The following RALB variants were observed in gnomAD, a reference collection of about 807,000 sequenced individuals.
The protein encoded by RALB is RAS like proto-oncogene B, also known as ras-related protein Ral-B.
Under a neutral mutation model 21.3 loss-of-function variants are expected in RALB, and 16 were observed. That is an observed-to-expected ratio of 0.75 (90% CI 0.51 to 1.14). RALB has a LOEUF of 1.14. RALB is among the 50% of genes most tolerant of loss of function. The pLI, the probability that RALB is intolerant of heterozygous loss-of-function variation, is 0.00. For synonymous variants in RALB, 93 were observed against 96.1 expected, an observed-to-expected ratio of 0.97 and a Z score of 0.19; for missense variants, 161 against 256.2, an observed-to-expected ratio of 0.63 and a Z score of 2.54.
Position 120,267,551 on chromosome 2 carries a change from A to G in RALB, c.-47-11067A>G, listed in dbSNP as rs893351671. The stretch of plus-strand genomic sequence containing the variant: ...GTATGAGATCGGGAGGGCTGGGCCT[A>G]TCATGTCCGAAGCAGGGTCAGGGAG... On this transcript the variant is annotated intron_variant, in intron 1 of 4. Transcript: ENST00000272519. 7.2e-5 allele frequency among the ~76,000 whole-genome samples: 11 copies of G among 152,130 alleles called. No individual in the cohort carries two copies. In the South Asian group the frequency reaches 1.5e-3, roughly 20 times the overall value.
intron 1 of RALB, among the ~76,000 whole-genome samples, chr2:120,268,651 G>A (rs1422866781): frequency 6.6e-6 from 1 of 152,148 alleles, no homozygotes; most frequent in Admixed American, 6.5e-5. Flanking sequence ...TGCAGCCTAG[G>A]TGACAGAGCA....
At chr2:120,240,280 TATTTTTATTTTTA>T (rs1248631392) in intron 1 of RALB, among the ~76,000 whole-genome samples, 2 of 144,908 alleles carry the variant, frequency 1.4e-5, no homozygotes, top group African/African-American at 5.8e-5. Context: ...GCTACTTTTT[TATTTTTATTTTTA>T]TTTTTTTTTG....
At position 120,284,755 on chromosome 2, in the gene RALB, C is replaced by A. The variant is rs199763733; in HGVS notation, c.115-1119C>A. Among the ~76,000 whole-genome samples, 8 of 57,614 alleles carry A rather than the reference C, an allele frequency of 1.4e-4. No individual in the cohort carries two copies. In the East Asian group the frequency reaches 4.0e-3, roughly 29 times the overall value. The allele number at this position is 57,614 out of a possible 152,430, so 37.8% of individuals were successfully genotyped here. A position where few individuals can be genotyped will look rare whatever the true frequency, so the allele number is the denominator to read the frequency against. On this transcript the variant is annotated intron_variant, in intron 2 of 4. Coordinates refer to ENST00000272519, the MANE Select transcript of RALB (RefSeq NM_002881.3). ...ATCACTTTCATCACTCCAAAAAAAACCAACCTACGTATTAGTAGTCATTCC... is the reference window on the plus strand; with the variant it reads ...ATCACTTTCATCACTCCAAAAAAAAACAACCTACGTATTAGTAGTCATTCC...
At chr2:120,244,901 A>C (rs1688946795) in intron 1 of RALB, among the ~76,000 whole-genome samples, 1 of 152,232 alleles carries the variant, frequency 6.6e-6, no homozygotes, top group Admixed American at 6.5e-5. Context: ...GCTGTGATAC[A>C]GTGGGAGCAG....
At chr2:120,266,307 C>T (rs951420029) in intron 1 of RALB, among the ~76,000 whole-genome samples, 1 of 152,268 alleles carries the variant, frequency 6.6e-6, no homozygotes, top group Admixed American at 6.5e-5. Flanking sequence ...TGCAGTGGCG[C>T]GATCTCGGCT....
intron 1 of RALB, among the ~76,000 whole-genome samples, chr2:120,244,863 C>A (rs1688946028): frequency 6.6e-6 from 1 of 152,198 alleles, no homozygotes; most frequent in African/African-American, 2.4e-5. Context: ...ACCAGCCACT[C>A]TAGGAAAGTT....
intron 1 of RALB, among the ~76,000 whole-genome samples, chr2:120,246,851 C>A (rs1478277082): frequency 1.3e-5 from 2 of 152,038 alleles, no homozygotes; most frequent in Non-Finnish European, 2.9e-5. Context: ...GAGGCAGCAT[C>A]CAAGGAAGCC....
intron 1 of RALB, among the ~76,000 whole-genome samples, chr2:120,259,928 G>C (rs972269516): frequency 6.6e-6 from 1 of 152,198 alleles, no homozygotes; most frequent in Non-Finnish European, 1.5e-5. Context: ...GCGAGAAATC[G>C]AGCGCAGTGC....
At chr2:120,277,315 A>G (rs1689824333) in intron 1 of RALB, among the ~76,000 whole-genome samples, 1 of 151,624 alleles carries the variant, frequency 6.6e-6, no homozygotes, top group Admixed American at 6.6e-5. Context: ...AACGTGTTAC[A>G]GCATGTGAGA....
In RALB at chr2:120,278,753, T is replaced by C. The variant is rs1329309392; in HGVS notation, c.89T>C (p.Leu30Pro). ...VGSGGVGKSA[L>P]TLQFMYDEFV... ...AGCGGAGGCGTTGGCAAGTCAGCCC[T>C]GACGCTTCAGTTCATGTATGACGAG... Residue 30 changes from leucine (L) to proline (P), a missense_variant, in exon 2 of 5, where the codon CTG (leucine) becomes CCG (proline). Physicochemically the swap from Leu to Pro is moderately conservative, Grantham distance 98. Transcript: ENST00000272519. The C allele has an allele frequency of 2.5e-6, 4 of 1,585,834 alleles. No individual in the cohort carries two copies. The highest frequency in any genetic ancestry group is 3.4e-6 in the Non-Finnish European group (4 of 1,164,952).
intron 3 of RALB, 66 bp from the exon 4 acceptor site, chr2:120,289,514 G>C (rs540079558): frequency 6.7e-6 from 10 of 1,503,218 alleles, no homozygotes; most frequent in Non-Finnish European, 8.2e-6. Flanking sequence ...ATTTTAGATG[G>C]GTTCACAAAA....
intron 1 of RALB, among the ~76,000 whole-genome samples, chr2:120,270,000 G>C (rs1360843605): frequency 1.3e-5 from 2 of 152,030 alleles, no homozygotes; most frequent in African/African-American, 4.8e-5. Flanking sequence ...AGAGAAATTG[G>C]GTTTAGCTTC....
rs1690381830 is a variant in RALB, at chr2:120,294,675, G to A, written c.*1415G>A. On this transcript the variant is annotated 3_prime_UTR_variant, in exon 5 of 5. Transcript: ENST00000272519. ...CCTGTATCCCCTCCCAAAGAATCATGGGCTTTTTTTTTGAATAAAAAAGCA... is the reference window on the plus strand; with the variant it reads ...CCTGTATCCCCTCCCAAAGAATCATAGGCTTTTTTTTTGAATAAAAAAGCA... 6.2e-6 allele frequency: 1 copy of A among 160,554 alleles called. No individual in the cohort carries two copies. Among genetic ancestry groups the A allele is most frequent in the Non-Finnish European group, 1.4e-5 (1 of 73,890 alleles). 9.9% of individuals were successfully genotyped at this position (160,554 alleles called of 1,614,324 possible).
intron 4 of RALB, among the ~76,000 whole-genome samples, chr2:120,291,136 T>TGCTTTAGACGCACTTCGAAGGGGTC (rs1690294214): frequency 6.6e-6 from 1 of 152,052 alleles, no homozygotes; most frequent in Non-Finnish European, 1.5e-5. Context: ...TAGAAGGGGT[T>TGCTTTAGACGCACTTCGAAGGGGTC]TGCTTTAGAC....
At chr2:120,247,624 C>T (rs947632375) in intron 1 of RALB, among the ~76,000 whole-genome samples, 1 of 152,194 alleles carries the variant, frequency 6.6e-6, no homozygotes, top group South Asian at 2.1e-4. Context: ...GTGACAATGA[C>T]TAAACTGAGA....
intron 1 of RALB, among the ~76,000 whole-genome samples, chr2:120,265,673 T>C (rs1449750098): frequency 6.6e-6 from 1 of 152,242 alleles, no homozygotes; most frequent in Non-Finnish European, 1.5e-5. Context: ...GAGTATGGAC[T>C]GCTAGGGCTC....
intron 2 of RALB, among the ~76,000 whole-genome samples, chr2:120,281,114 A>G (rs1354711163): frequency 6.6e-6 from 1 of 152,174 alleles, no homozygotes; most frequent in Non-Finnish European, 1.5e-5. Flanking sequence ...ACAAGACTCC[A>G]CTCAAGGTGT....
intron 1 of RALB, among the ~76,000 whole-genome samples, chr2:120,259,103 C>T (rs1028588443): frequency 5.3e-5 from 8 of 152,238 alleles, no homozygotes; most frequent in African/African-American, 7.2e-5. Context: ...CAGATCTTCG[C>T]GGTGAGTGTT....
intron 1 of RALB, among the ~76,000 whole-genome samples, chr2:120,260,785 A>G (rs1689347373): frequency 6.6e-6 from 1 of 152,232 alleles, no homozygotes; most frequent in Non-Finnish European, 1.5e-5. Flanking sequence ...CTACTTGCTC[A>G]TTTTAAAGAG....
Sources: gnomAD v4.1 joint callset for allele counts (sites outside exome capture counted in the v4.1 genomes callset) on GRCh38, gnomAD v4.1.1 for gene constraint, MANE v1.5 for transcripts, NCBI Gene and HGNC (gene_info 2026-07-23, HGNC 2026-07-21) for gene names.